Variants in ITIH1 observed in about 807,000 individuals in gnomAD.
ITIH1 encodes inter-alpha-trypsin inhibitor heavy chain H1.
In ITIH1, 94 loss-of-function variants were observed where a neutral mutation model predicts 104.6. The observed-to-expected ratio is 0.90, with a 90% CI of 0.76 to 1.07. ITIH1 has a LOEUF of 1.07. Ranked by LOEUF, ITIH1 falls within the 50% of genes least tolerant of loss-of-function variation. The pLI is 0.00. For missense variants in ITIH1, 1,193 were observed against 1,181.4 expected (o/e 1.01, Z -0.14); for synonymous variants, 455 against 464.4 (o/e 0.98, Z 0.26).
intron 2 of ITIH1, 94 bp from the exon 3 acceptor site, chr3:52,778,246 C>A: frequency 7.7e-7 from 1 of 1,299,256 alleles, no homozygotes; most frequent in Non-Finnish European, 1.1e-6. Context: ...GGGCACCATG[C>A]ACTGGGGCTA....
In ITIH1 at chr3:52,786,856, G is replaced by C. The variant is rs564570862; in HGVS notation, c.1734-89G>C. On this transcript the variant is annotated intron_variant, in intron 13 of 21. Coordinates refer to ENST00000273283, the MANE Select transcript of ITIH1 (RefSeq NM_002215.4). ...TTATGTGTCGAATGAATGAATGAAT[G>C]AATGAATGAATGAATAAGTGAATGG... 9 of 1,387,920 alleles carry C rather than the reference G, an allele frequency of 6.5e-6. No individual in the cohort carries two copies. The African/African-American group carries it at 1.1e-4, about 18-fold the overall frequency. The allele number at this position is 1,387,920 out of a possible 1,614,324, so 86.0% of individuals were successfully genotyped here. A position where few individuals can be genotyped will look rare whatever the true frequency, so the allele number is the denominator to read the frequency against.
Position 52,783,293 on chromosome 3 carries a change from C to A in ITIH1, c.1179C>A (p.Asn393Lys). ...AGGAAAGCCTCCCAGAACTCAGCAACCATGCCTCAATACTCATCATGTTGA... is the reference window on the plus strand; with the variant it reads ...AGGAAAGCCTCCCAGAACTCAGCAAACATGCCTCAATACTCATCATGTTGA... Reference protein sequence around the residue: ...QVQESLPELSNHASILIMLTD... With the variant: ...QVQESLPELSKHASILIMLTD... Residue 393 changes from asparagine to lysine, a missense_variant, in exon 10 of 22, where the codon AAC (asparagine) becomes AAA (lysine). By Grantham distance (94) the Asn-to-Lys change is moderately conservative. Transcript: ENST00000273283. The A allele has an allele frequency of 6.2e-7, 1 of 1,614,136 alleles. No homozygotes were observed. Among genetic ancestry groups the A allele is most frequent in the Non-Finnish European group, 8.5e-7 (1 of 1,180,026 alleles).
Position 52,791,899 on chromosome 3 carries a change from C to G in ITIH1, c.2724C>G (p.Pro908=), listed in dbSNP as rs201951432. The part of the protein sequence containing the change: ...IDGAYTDYIV[P]DIF ...GTGCCTACACTGATTATATCGTCCC[C>G]GACATCTTCTGAGCCCTCTGGCCAG... Residue 908 remains proline, a synonymous_variant, in exon 22 of 22, where the codon CCC becomes CCG. Transcript: ENST00000273283. 2 of 1,612,712 alleles carry G rather than the reference C, an allele frequency of 1.2e-6. No homozygotes were observed. The highest frequency in any genetic ancestry group is 1.1e-5 in the South Asian group (1 of 90,868).
At chr3:52,780,549 T>C (rs1699011357) in intron 6 of ITIH1, among the ~76,000 whole-genome samples, 167 bp downstream of exon 6, 1 of 152,178 alleles carries the variant, frequency 6.6e-6, no homozygotes, top group South Asian at 2.1e-4. Flanking sequence ...AGAACTCAGC[T>C]ATCCTGGTTC....
In ITIH1 at chr3:52,779,605, G is replaced by A; in HGVS notation, c.573+11G>A. 2 of 1,614,056 alleles carry A rather than the reference G, an allele frequency of 1.2e-6. No homozygotes were observed. The highest frequency in any genetic ancestry group is 1.7e-6 in the Non-Finnish European group (2 of 1,179,946). Reference sequence around the variant, plus strand: ...GTGCATCATTTTGAGGTAGATCACAGGTCCCGGGGCAGGGGTCCTGCCCCT... The same window carrying A: ...GTGCATCATTTTGAGGTAGATCACAAGTCCCGGGGCAGGGGTCCTGCCCCT... On this transcript the variant is annotated intron_variant, in intron 5 of 21. Transcript: ENST00000273283. This position sits in a 1 kb window ranked among gnomAD's most constrained non-coding sequence, Gnocchi z 4.4.
chr3:52,787,155 G>T (rs1463328518), intron 14 of ITIH1, 33 bp from the exon 15 acceptor site: 1 of 1,614,204 alleles, frequency 6.2e-7, no homozygotes, highest in South Asian at 1.1e-5. Context: ...AACCTCTGGG[G>T]CTCTAATTAT....
chr3:52,782,833 G>C, intron 8 of ITIH1, 124 bp from the exon 9 acceptor site: 7 of 950,146 alleles, frequency 7.4e-6, no homozygotes, highest in Non-Finnish European at 1.1e-5. Flanking sequence ...GGGCCACCTG[G>C]TTGTCCTATC....
chr3:52,783,703 C>T (rs180842644), intron 10 of ITIH1, among the ~76,000 whole-genome samples: 1 of 152,246 alleles, frequency 6.6e-6, no homozygotes, highest in Admixed American at 6.5e-5. Context: ...AGACATATTT[C>T]TGCCCTCAAA....
chr3:52,789,772 A>G lies in ITIH1; in HGVS notation c.2239A>G (p.Thr747Ala). 6.2e-7 allele frequency: 1 copy of G among 1,614,034 alleles called. No individual in the cohort carries two copies. The highest frequency in any genetic ancestry group is 2.2e-5 in the East Asian group (1 of 44,856). Residue 747 changes from threonine (T) to alanine (A), a missense_variant, in exon 19 of 22, where the codon ACT becomes GCT. Coordinates refer to ENST00000273283, the MANE Select transcript of ITIH1 (RefSeq NM_002215.4). ...NPATDFQLEV[T>A]PQNITLNPGF... ...TGCCACGGACTTTCAGTTGGAAGTG[A>G]CTCCTCAGAACATTACGCTGAACCC...
At chr3:52,785,017 C>T (rs374748637) in intron 11 of ITIH1, 27 bp from the exon 12 acceptor site, 52 of 1,612,318 alleles carry the variant, frequency 3.2e-5, no homozygotes, top group Non-Finnish European at 1.9e-5. Flanking sequence ...GTGCTCAGCT[C>T]TAAGGCTGCA....
Position 52,791,830 on chromosome 3 carries a change from G to A in ITIH1, c.2655G>A (p.Val885=). The change falls in exon 22 of 22, where the codon GTG becomes GTA. Residue 885 remains valine, a synonymous_variant. Transcript: ENST00000273283. ...YSKDPWHGAE[V]SCWFIHNNGA... ...AGGACCCGTGGCATGGGGCCGAGGT[G>A]TCCTGCTGGTTCATTCACAACAATG... is the stretch of plus-strand genomic sequence containing the variant. 1 of 1,614,202 alleles carries A rather than the reference G, an allele frequency of 6.2e-7. No homozygotes were observed. The highest frequency in any genetic ancestry group is 1.7e-5 in the Admixed American group (1 of 60,032).
chr3:52,789,414 T>G (rs4687550), intron 18 of ITIH1, among the ~76,000 whole-genome samples: 53,623 of 151,658 alleles, frequency 0.35, 9,740 homozygotes, highest in Admixed American at 0.45. Context: ...AGGCACGACC[T>G]CCGTTAGGAC....
Position 52,778,513 on chromosome 3 carries a change from G to A in ITIH1, c.305+7G>A. The A allele has an allele frequency of 6.2e-7, 1 of 1,614,068 alleles. No individual in the cohort carries two copies. Among genetic ancestry groups the A allele is most frequent in the Non-Finnish European group, 8.5e-7 (1 of 1,179,950 alleles). ...TCATCAGTGACTTTGCCGTGTGCGT[G>A]CCTGCCCAACTCCCATGCCTTCTCC... On this transcript the variant is annotated splice_region_variant and intron_variant, in intron 3 of 21. Coordinates refer to ENST00000273283, the MANE Select transcript of ITIH1 (RefSeq NM_002215.4).
At chr3:52,790,616 G>A in intron 19 of ITIH1, 133 bp from the exon 20 acceptor site, 1 of 854,886 alleles carries the variant, frequency 1.2e-6, no homozygotes, top group African/African-American at 1.7e-5. Context: ...ACAGGTAACA[G>A]CCGGCCATCT....
At position 52,785,175 on chromosome 3, in the gene ITIH1, G is replaced by T; in HGVS notation, c.1539G>T (p.Gly513=). 1.2e-6 allele frequency: 2 copies of T among 1,614,144 alleles called. No individual in the cohort carries two copies. Among genetic ancestry groups the T allele is most frequent in the Non-Finnish European group, 1.7e-6 (2 of 1,180,016 alleles). Residue 513 remains glycine, a synonymous_variant, in exon 12 of 22, where the codon GGG becomes GGT. Coordinates refer to ENST00000273283, the MANE Select transcript of ITIH1 (RefSeq NM_002215.4). The part of the protein sequence containing the change: ...YYEGSEIVVA[G]RIADNKQSSF... The stretch of plus-strand genomic sequence containing the variant: ...AAGGCTCAGAGATTGTGGTGGCCGG[G>T]CGCATTGCTGACAACAAACAGAGCA...
Position 52,783,134 on chromosome 3 carries a change from G to T in ITIH1, c.1099+9G>T, listed in dbSNP as rs368974018. ...CTTTTCCCTGGATGAGGGTAAGGGT[G>T]GGGGTCTCAGGCAACCTTGATGTCA... On this transcript the variant is annotated intron_variant, in intron 9 of 21. Transcript: ENST00000273283. 2.2e-6 allele frequency: 3 copies of T among 1,368,238 alleles called. No individual in the cohort carries two copies. The African/African-American group carries it at 4.1e-5, about 19-fold the overall frequency. The allele number at this position is 1,368,238 out of a possible 1,614,324, so 84.8% of individuals were successfully genotyped here.
rs757611733 is a variant in ITIH1 at position 52,788,042 on chromosome 3, C to T, written c.1981C>T (p.Arg661Trp). The change falls in exon 17 of 22, where the codon CGG becomes TGG. Residue 661 changes from arginine (R) to tryptophan (W), a missense_variant. Transcript: ENST00000273283. ...TACTCATTCCAGCTCCAATACCCAG[C>T]GGCTGCCAGACCGAGTGACCGGCGG... ...SPTHSSSNTQ[R>W]LPDRVTGVDT... The T allele has an allele frequency of 9.9e-6, 16 of 1,610,116 alleles. 1 individual carries two copies. In the South Asian group the frequency reaches 1.0e-4, roughly 10 times the overall value.
chr3:52,786,543 C>T (rs1454120511), intron 13 of ITIH1, 109 bp downstream of exon 13: 1 of 1,073,828 alleles, frequency 9.3e-7, no homozygotes, highest in East Asian at 2.6e-5. Context: ...GTCAGATTTA[C>T]TTTCCTCTTC....
In ITIH1 at chr3:52,784,276, C is replaced by T. The variant is rs1007534235; in HGVS notation, c.1226-20C>T. On this transcript the variant is annotated intron_variant, in intron 10 of 21. Coordinates refer to ENST00000273283, the MANE Select transcript of ITIH1 (RefSeq NM_002215.4). The stretch of plus-strand genomic sequence containing the variant: ...CCTGTGGGCCAGCATCCCGTCACTA[C>T]CCAGGTGTGTGGCTTGCAGGGGTGA... 1 of 1,607,248 alleles carries T rather than the reference C, an allele frequency of 6.2e-7. No individual in the cohort carries two copies. The highest frequency in any genetic ancestry group is 8.5e-7 in the Non-Finnish European group (1 of 1,176,472).
Sources: gnomAD v4.1 joint callset for allele counts (sites outside exome capture counted in the v4.1 genomes callset) on GRCh38, gnomAD v4.1.1 for gene constraint, Gnocchi (gnomAD v3.1) non-coding constraint, MANE v1.5 for transcripts, NCBI Gene and HGNC (gene_info 2026-07-23, HGNC 2026-07-21) for gene names.